NDST1: variants seen among roughly 807,000 people sequenced by gnomAD.
NDST1 encodes N-deacetylase and N-sulfotransferase 1, also known as bifunctional heparan sulfate N-deacetylase/N-sulfotransferase 1.
Under a neutral mutation model 92.8 loss-of-function variants are expected in NDST1, and 35 were observed. That is an observed-to-expected ratio of 0.38 (90% CI 0.29 to 0.50). The LOEUF is 0.50. Ranked by LOEUF, NDST1 falls within the 20% of genes least tolerant of loss-of-function variation. The probability of loss-of-function intolerance (pLI) is 0.94; values close to 1 mark genes in which losing one functional copy is unlikely to be tolerated. For missense variants in NDST1, 822 were observed against 1,182.7 expected (o/e 0.69, Z 4.47); for synonymous variants, 493 against 500.3 (o/e 0.99, Z 0.19).
intron 1 of NDST1, among the ~76,000 whole-genome samples, chr5:150,518,262 A>C (rs1292844835): frequency 6.6e-6 from 1 of 152,062 alleles, no homozygotes; most frequent in African/African-American, 2.4e-5. Context: ...CCCTGCCAGA[A>C]GAGTTAAGGA....
At chr5:150,512,893 T>C (rs1753788353) in intron 1 of NDST1, among the ~76,000 whole-genome samples, 1 of 152,198 alleles carries the variant, frequency 6.6e-6, no homozygotes, top group Non-Finnish European at 1.5e-5. Context: ...TGGTAAATAA[T>C]GGAGCCAACA....
intron 13 of NDST1, among the ~76,000 whole-genome samples, chr5:150,551,429 T>C (rs1008085577): frequency 1.3e-5 from 2 of 150,904 alleles, no homozygotes; most frequent in African/African-American, 2.4e-5. Context: ...GCATTGAGAA[T>C]GCTCAGAAAA....
At chr5:150,542,082 C>G (rs1755271005) in intron 9 of NDST1, among the ~76,000 whole-genome samples, 1 of 152,184 alleles carries the variant, frequency 6.6e-6, no homozygotes, top group Non-Finnish European at 1.5e-5. Context: ...CCATACAACC[C>G]TGCAAGGCAC....
At chr5:150,533,818 C>T (rs1228190674) in intron 4 of NDST1, among the ~76,000 whole-genome samples, 1 of 151,964 alleles carries the variant, frequency 6.6e-6, no homozygotes, top group Non-Finnish European at 1.5e-5. Context: ...CGCTGTGGCT[C>T]ACGCCTGTAA....
chr5:150,498,467 G>A (rs188719044), intron 1 of NDST1, among the ~76,000 whole-genome samples: 44 of 152,158 alleles, frequency 2.9e-4, no homozygotes, highest in African/African-American at 1.0e-3. Context: ...TCCACCCCTG[G>A]CTCCGCACTC....
intron 1 of NDST1, among the ~76,000 whole-genome samples, chr5:150,515,970 C>A (rs1053589337): frequency 2.0e-5 from 3 of 150,726 alleles, no homozygotes; most frequent in African/African-American, 7.3e-5. Flanking sequence ...CCCCACCCAC[C>A]CCCACCCCAG....
At position 150,553,118 on chromosome 5, in the gene NDST1, G is replaced by A; in HGVS notation, c.2530-95G>A. On this transcript the variant is annotated intron_variant, in intron 14 of 14. Transcript: ENST00000261797. The surrounding 1 kb of genome is among the most constrained non-coding windows in gnomAD (Gnocchi z 4.2). Reference sequence around the variant, plus strand: ...GGCCTCCCAAAGTGCTGGGATTACAGGCATGAGCCACCGTGCCCGGCCGAG... The same window carrying A: ...GGCCTCCCAAAGTGCTGGGATTACAAGCATGAGCCACCGTGCCCGGCCGAG... The A allele has an allele frequency of 7.4e-7, 1 of 1,349,412 alleles. No individual in the cohort carries two copies. 83.6% of individuals were successfully genotyped at this position (1,349,412 alleles called of 1,614,324 possible).
chr5:150,535,636 G>C (rs557702648), intron 5 of NDST1, 64 bp from the exon 6 acceptor site: 28 of 1,576,956 alleles, frequency 1.8e-5, no homozygotes, highest in South Asian at 5.5e-5. Context: ...TTCTACAAAG[G>C]GGGGATAAGG....
At chr5:150,509,525 T>C (rs1473715979) in intron 1 of NDST1, among the ~76,000 whole-genome samples, 1 of 152,022 alleles carries the variant, frequency 6.6e-6, no homozygotes, top group Non-Finnish European at 1.5e-5. Context: ...GGCCCCCCTT[T>C]CTTTATTTTT....
intron 2 of NDST1, among the ~76,000 whole-genome samples, chr5:150,524,507 G>A (rs1358833841): frequency 2.0e-5 from 3 of 152,256 alleles, no homozygotes; most frequent in African/African-American, 7.2e-5. Flanking sequence ...GTCTGGCAAG[G>A]AGTACCTGAC....
chr5:150,521,423 G>A lies in NDST1; in HGVS notation c.169G>A (p.Gly57Arg), dbSNP rs540715914. The A allele has an allele frequency of 8.9e-5, 144 of 1,612,858 alleles. No individual in the cohort carries two copies. The highest frequency in any genetic ancestry group is 1.1e-4 in the Non-Finnish European group (132 of 1,179,834). The stretch of plus-strand genomic sequence containing the variant: ...GGCGGATGCCCCCGAGCCTGACTGC[G>A]GGGACCCGCCGCCTGTGGCCCCCAG... ...PSADAPEPDCGDPPPVAPSRL... is the reference protein window; with the variant it reads ...PSADAPEPDCRDPPPVAPSRL... Residue 57 changes from glycine (G) to arginine (R), a missense_variant, in exon 2 of 15, where the codon GGG (glycine) becomes AGG (arginine). Coordinates refer to ENST00000261797, the MANE Select transcript of NDST1 (RefSeq NM_001543.5). This position sits in a 1 kb window ranked among gnomAD's most constrained non-coding sequence, Gnocchi z 5.9.
At chr5:150,549,436 G>A (rs1316099026) in intron 12 of NDST1, among the ~76,000 whole-genome samples, 3 of 152,206 alleles carry the variant, frequency 2.0e-5, no homozygotes, top group African/African-American at 7.2e-5. Flanking sequence ...GGCAGGCAGG[G>A]TTTGGTGAGA....
intron 3 of NDST1, 115 bp downstream of exon 3, chr5:150,528,413 T>A: frequency 1.7e-6 from 2 of 1,194,264 alleles, no homozygotes; most frequent in South Asian, 1.6e-5. Context: ...GGGAGTTACT[T>A]AAAAGACAGT....
At chr5:150,531,478 G>A (rs1754729177) in intron 3 of NDST1, among the ~76,000 whole-genome samples, 2 of 150,854 alleles carry the variant, frequency 1.3e-5, no homozygotes, top group South Asian at 2.1e-4. Context: ...GGCTCTTACA[G>A]GTTTCTTTTT....
chr5:150,506,036 C>G (rs1300762498), upstream of NDST1, among the ~76,000 whole-genome samples: 2 of 152,104 alleles, frequency 1.3e-5, no homozygotes, highest in African/African-American at 4.8e-5. Flanking sequence ...AAGGCCGGGC[C>G]TAGGATGAGG....
chr5:150,519,525 T>A (rs1754142499), intron 1 of NDST1, among the ~76,000 whole-genome samples: 1 of 152,128 alleles, frequency 6.6e-6, no homozygotes. Context: ...CTGATCAACA[T>A]GGAGAAACCC....
intron 3 of NDST1, among the ~76,000 whole-genome samples, chr5:150,530,366 A>C (rs558718613): frequency 6.6e-6 from 1 of 151,970 alleles, no homozygotes; most frequent in Admixed American, 6.5e-5. Flanking sequence ...TCTGTGTTCT[A>C]CTCGAGGTGT....
At chr5:150,530,318 A>T (rs1754666529) in intron 3 of NDST1, among the ~76,000 whole-genome samples, 1 of 152,172 alleles carries the variant, frequency 6.6e-6, no homozygotes, top group Non-Finnish European at 1.5e-5. Flanking sequence ...CTAAGTCTTC[A>T]TGCAGTGCCA....
chr5:150,505,356 G>T (rs78088236), upstream of NDST1, among the ~76,000 whole-genome samples: 2 of 152,152 alleles, frequency 1.3e-5, no homozygotes, highest in Non-Finnish European at 2.9e-5. Flanking sequence ...CAGCCCTGGT[G>T]GGTTTTCTGT....
Sources: gnomAD v4.1 joint callset for allele counts (sites outside exome capture counted in the v4.1 genomes callset) on GRCh38, gnomAD v4.1.1 for gene constraint, Gnocchi (gnomAD v3.1) non-coding constraint, MANE v1.5 for transcripts, NCBI Gene and HGNC (gene_info 2026-07-23, HGNC 2026-07-21) for gene names.